The following AOAH variants were observed in gnomAD, a reference collection of about 807,000 sequenced individuals.
AOAH encodes the protein acyloxyacyl hydrolase (neutrophil).
In AOAH, 64 loss-of-function variants were observed where a neutral mutation model predicts 92.2. The observed-to-expected ratio is 0.69, with a 90% CI of 0.57 to 0.86. AOAH has a LOEUF of 0.86. Ranked by LOEUF, AOAH falls within the 40% of genes least tolerant of loss-of-function variation. The pLI is 0.00. For missense variants in AOAH, 656 were observed against 694.6 expected (o/e 0.94, Z 0.62); for synonymous variants, 263 against 254.5 (o/e 1.03, Z -0.32).
intron 13 of AOAH, among the ~76,000 whole-genome samples, chr7:36,566,938 A>C (rs189553783): frequency 6.6e-6 from 1 of 152,176 alleles, no homozygotes; most frequent in East Asian, 1.9e-4. Context: ...GTCTCTGAAT[A>C]GCTGGGATTA....
At chr7:36,689,490 G>A (rs1797253563) in intron 1 of AOAH, among the ~76,000 whole-genome samples, 1 of 152,194 alleles carries the variant, frequency 6.6e-6, no homozygotes, top group African/African-American at 2.4e-5. Flanking sequence ...TCAAGTGGCT[G>A]AAGGGGCAGA....
intron 4 of AOAH, among the ~76,000 whole-genome samples, chr7:36,645,128 C>A (rs75606720): frequency 0.018 from 2,736 of 152,220 alleles, 79 homozygotes; most frequent in African/African-American, 0.063. Context: ...CTGTGCCCCC[C>A]ACCCCAACCA....
chr7:36,631,479 C>T (rs1434295481), intron 6 of AOAH, among the ~76,000 whole-genome samples: 1 of 152,168 alleles, frequency 6.6e-6, no homozygotes, highest in Non-Finnish European at 1.5e-5. Flanking sequence ...CGATGTCTAG[C>T]ATAACCCCAG....
chr7:36,660,511 T>A lies in AOAH; in HGVS notation c.291-1246A>T, dbSNP rs1203072942. The stretch of plus-strand genomic sequence containing the variant: ...TTATATTGTTTAGTAGAGATAGGGT[T>A]TCACTGTGTCGGTCAGGCTGGTCTC... On this transcript the variant is annotated intron_variant, in intron 3 of 20. Transcript: ENST00000617537. Among the ~76,000 whole-genome samples, 3 of 152,086 alleles carry A rather than the reference T, an allele frequency of 2.0e-5. No individual in the cohort carries two copies. The East Asian group carries it at 5.8e-4, about 29-fold the overall frequency.
chr7:36,694,379 T>C (rs973255473), intron 1 of AOAH, among the ~76,000 whole-genome samples: 2 of 152,088 alleles, frequency 1.3e-5, no homozygotes, highest in African/African-American at 4.8e-5. Flanking sequence ...GCACCTGTAA[T>C]CCCAGCTACT....
At position 36,625,167 on chromosome 7, in the gene AOAH, AC is replaced by A. The variant is rs535333464; in HGVS notation, c.522-1918del. On this transcript the variant is annotated intron_variant, in intron 6 of 20. Coordinates refer to ENST00000617537, the MANE Select transcript of AOAH (RefSeq NM_001637.4). ...CCTTCCTACATTCCTGCCCTGGGGG[AC>A]AGGGGAGGCTGGATCCCTGAAAGGA... Among the ~76,000 whole-genome samples the A allele has an allele frequency of 3.1e-3, 472 of 152,172 alleles. 1 individual carries two copies. Among genetic ancestry groups the A allele is most frequent in the African/African-American group, 0.011 (454 of 41,518 alleles).
intron 12 of AOAH, among the ~76,000 whole-genome samples, chr7:36,577,684 T>A (rs930955452): frequency 6.6e-6 from 1 of 152,188 alleles, no homozygotes; most frequent in Non-Finnish European, 1.5e-5. Context: ...ATGTAAGTAG[T>A]TTAATTAATG....
At chr7:36,705,150 C>G (rs896345317) in intron 1 of AOAH, among the ~76,000 whole-genome samples, 1 of 152,080 alleles carries the variant, frequency 6.6e-6, no homozygotes, top group Non-Finnish European at 1.5e-5. Context: ...CCAATGCAAT[C>G]AGGCAAGAGA....
In AOAH at chr7:36,530,120, T is replaced by G. The variant is rs1323111788; in HGVS notation, c.1522+298A>C. The stretch of plus-strand genomic sequence containing the variant: ...AACCCGACAAGAACAGGTTAGTGAG[T>G]GCATTAACCTGTAGGTTGCCAGCTC... On this transcript the variant is annotated intron_variant, in intron 19 of 20. Transcript: ENST00000617537. Among the ~76,000 whole-genome samples, 4 of 152,326 alleles carry G rather than the reference T, an allele frequency of 2.6e-5. No individual in the cohort carries two copies. In the South Asian group the frequency reaches 8.3e-4, roughly 32 times the overall value.
chr7:36,564,384 G>A (rs979480183), intron 13 of AOAH, among the ~76,000 whole-genome samples: 2 of 152,122 alleles, frequency 1.3e-5, no homozygotes, highest in African/African-American at 4.8e-5. Context: ...TGAAGGTGGG[G>A]GCTTTGTCTT....
At chr7:36,638,054 G>C (rs1255391257) in intron 4 of AOAH, 144 bp from the exon 5 acceptor site, 4 of 702,346 alleles carry the variant, frequency 5.7e-6, no homozygotes, top group Admixed American at 2.8e-5. Context: ...TTCACAAGAA[G>C]GCAATTTCAC....
At chr7:36,546,072 T>G (rs1785782631) in intron 15 of AOAH, among the ~76,000 whole-genome samples, 1 of 152,248 alleles carries the variant, frequency 6.6e-6, no homozygotes, top group African/African-American at 2.4e-5. Context: ...AGCCAGGTTC[T>G]CTATGTGATC....
chr7:36,620,922 T>C (rs1792234050), intron 8 of AOAH, 93 bp from the exon 9 acceptor site: 2 of 1,143,360 alleles, frequency 1.7e-6, no homozygotes, highest in East Asian at 5.1e-5. Flanking sequence ...AATGAATGAA[T>C]GCTACACGAA....
chr7:36,653,708 T>TTACA (rs1249980133), intron 4 of AOAH, among the ~76,000 whole-genome samples: 1 of 152,230 alleles, frequency 6.6e-6, no homozygotes, highest in Non-Finnish European at 1.5e-5. Context: ...CACACAGGGC[T>TTACA]TACATTCTGA....
chr7:36,667,209 C>T (rs1473375377), intron 3 of AOAH, among the ~76,000 whole-genome samples: 1 of 152,126 alleles, frequency 6.6e-6, no homozygotes, highest in Non-Finnish European at 1.5e-5. Flanking sequence ...AGAAACAACT[C>T]ATAAATTTTA....
chr7:36,594,632 G>C lies in AOAH; in HGVS notation c.847-202C>G, dbSNP rs1789981552. On this transcript the variant is annotated intron_variant, in intron 11 of 20. Coordinates refer to ENST00000617537, the MANE Select transcript of AOAH (RefSeq NM_001637.4). ...AGTCACAATGATCAGCACCACCCTT[G>C]ACCTGGCTTCCGCTCAGCTCTTGTG... 6.2e-6 allele frequency: 4 copies of C among 643,888 alleles called. 1 individual carries two copies. The highest frequency in any genetic ancestry group is 5.0e-5 in the South Asian group (3 of 59,458). 39.9% of individuals were successfully genotyped at this position (643,888 alleles called of 1,614,324 possible).
intron 11 of AOAH, among the ~76,000 whole-genome samples, chr7:36,604,253 TAAATA>T (rs1236068818): frequency 6.6e-6 from 1 of 152,232 alleles, no homozygotes; most frequent in East Asian, 1.9e-4. Context: ...TTGCAAGTAT[TAAATA>T]AGATAATGTT....
At chr7:36,703,134 T>C (rs900423117) in intron 1 of AOAH, among the ~76,000 whole-genome samples, 1 of 152,146 alleles carries the variant, frequency 6.6e-6, no homozygotes, top group Non-Finnish European at 1.5e-5. Flanking sequence ...AGATTTCACT[T>C]CTAATTCAAG....
intron 3 of AOAH, among the ~76,000 whole-genome samples, chr7:36,662,595 G>C (rs115470677): frequency 2.9e-4 from 44 of 152,264 alleles, no homozygotes; most frequent in African/African-American, 9.6e-4. Flanking sequence ...TAGTGGACTC[G>C]AGAGTGATAA....
Sources: allele counts gnomAD v4.1 joint callset (sites outside exome capture counted in the v4.1 genomes callset), GRCh38; gene constraint gnomAD v4.1.1; transcripts MANE v1.5; gene names NCBI Gene and HGNC (gene_info 2026-07-23, HGNC 2026-07-21).